Variants in LOXHD1 observed in about 807,000 individuals in gnomAD.
LOXHD1 encodes the protein lipoxygenase homology domain-containing protein 1.
A neutral mutation model predicts 248.2 loss-of-function variants in LOXHD1; 205 were observed. The observed-to-expected ratio is 0.83, with a 90% CI of 0.74 to 0.93. The LOEUF (loss-of-function observed/expected upper bound fraction) is 0.93. LOXHD1 is among the 40% of genes least tolerant of loss of function. The pLI is 0.00. For missense variants in LOXHD1, 2,930 were observed against 2,971.6 expected (o/e 0.99, Z 0.33); for synonymous variants, 1,113 against 1,162.8 (o/e 0.96, Z 0.87).
Position 46,498,961 on chromosome 18 carries a change from T to C in LOXHD1, c.5878+6877A>G, listed in dbSNP as rs925902422. 3.9e-5 allele frequency among the ~76,000 whole-genome samples: 6 copies of C among 152,190 alleles called. No individual in the cohort carries two copies. In the East Asian group the frequency reaches 9.6e-4, roughly 24 times the overall value. On this transcript the variant is annotated intron_variant, in intron 37 of 40. Coordinates refer to ENST00000642948, the MANE Select transcript of LOXHD1 (RefSeq NM_001384474.1). ...CACCTACAGGGGAGAAAGATATATC[T>C]GTGGAAGTCTAGAAAAGGATAGAAT...
At chr18:46,645,663 A>C (rs1183276118) in intron 2 of LOXHD1, among the ~76,000 whole-genome samples, 1 of 152,002 alleles carries the variant, frequency 6.6e-6, no homozygotes, top group Non-Finnish European at 1.5e-5. Flanking sequence ...CTAATGGGGG[A>C]ATCTAAGTCC....
At chr18:46,536,776 G>A (rs2036329954) in intron 26 of LOXHD1, among the ~76,000 whole-genome samples, 1 of 152,178 alleles carries the variant, frequency 6.6e-6, no homozygotes, top group South Asian at 2.1e-4. Flanking sequence ...CTCCAGAGAA[G>A]GTGGGAAGAG....
chr18:46,593,971 G>A (rs1487741651), intron 9 of LOXHD1, among the ~76,000 whole-genome samples: 1 of 152,172 alleles, frequency 6.6e-6, no homozygotes, highest in Admixed American at 6.5e-5. Flanking sequence ...TCTTTTTAAT[G>A]GCTAAAGTGT....
At chr18:46,594,181 C>T (rs182648913) in intron 9 of LOXHD1, 150 bp downstream of exon 9, 53 of 987,708 alleles carry the variant, frequency 5.4e-5, no homozygotes, top group African/African-American at 2.8e-4. Flanking sequence ...AGCTGCTTGG[C>T]GGGGTTGGGG....
intron 21 of LOXHD1, among the ~76,000 whole-genome samples, chr18:46,550,370 G>A (rs1056355018): frequency 2.0e-5 from 3 of 151,486 alleles, no homozygotes; most frequent in South Asian, 2.1e-4. Context: ...TCAGGAGATC[G>A]AGACCATCCT....
At chr18:46,619,348 C>A in intron 4 of LOXHD1, among the ~76,000 whole-genome samples, 1 of 152,198 alleles carries the variant, frequency 6.6e-6, no homozygotes, top group East Asian at 1.9e-4. Flanking sequence ...CTGTCCCTGG[C>A]CCTTAGAGGT....
chr18:46,496,887 C>T (rs1401250068), intron 37 of LOXHD1, among the ~76,000 whole-genome samples: 1 of 152,166 alleles, frequency 6.6e-6, no homozygotes, highest in Admixed American at 6.5e-5. Flanking sequence ...CCTGTAATCC[C>T]AGCTACTCTG....
chr18:46,538,831 C>T (rs2036434444), intron 25 of LOXHD1, among the ~76,000 whole-genome samples: 1 of 152,186 alleles, frequency 6.6e-6, no homozygotes, highest in African/African-American at 2.4e-5. Flanking sequence ...AGTGAGCATT[C>T]TTTCACTCTT....
intron 38 of LOXHD1, 71 bp from the exon 39 acceptor site, chr18:46,485,222 G>A (rs1172944304): frequency 2.0e-6 from 3 of 1,507,798 alleles, no homozygotes; most frequent in Non-Finnish European, 2.7e-6. Context: ...GGAGCAAGAG[G>A]GTCACGGCCT....
intron 12 of LOXHD1, among the ~76,000 whole-genome samples, chr18:46,580,339 C>A (rs907695908): frequency 3.3e-5 from 5 of 152,214 alleles, no homozygotes; most frequent in Non-Finnish European, 7.3e-5. Flanking sequence ...TCTCCATGAA[C>A]AAGAATTGTG....
intron 29 of LOXHD1, 67 bp from the exon 30 acceptor site, chr18:46,524,984 C>T: frequency 6.7e-7 from 1 of 1,500,324 alleles, no homozygotes; most frequent in East Asian, 2.5e-5. Flanking sequence ...CCAGCCCCAC[C>T]CTTCTGGGAC....
intron 7 of LOXHD1, among the ~76,000 whole-genome samples, chr18:46,603,663 G>A (rs937754539): frequency 6.6e-6 from 1 of 152,154 alleles, no homozygotes; most frequent in Admixed American, 6.5e-5. Flanking sequence ...CATTGCCTCA[G>A]TTTCCTCATC....
At chr18:46,559,366 G>C (rs977101878) in intron 20 of LOXHD1, 82 bp downstream of exon 20, 35 of 1,550,242 alleles carry the variant, frequency 2.3e-5, no homozygotes, top group Non-Finnish European at 3.0e-5. Context: ...AGCAGCCATT[G>C]TGCTGCGATG....
chr18:46,609,743 A>G (rs917556820), intron 6 of LOXHD1, among the ~76,000 whole-genome samples: 4 of 152,110 alleles, frequency 2.6e-5, no homozygotes, highest in African/African-American at 9.7e-5. Flanking sequence ...ACTACCCATT[A>G]CAGTGCCTCT....
chr18:46,513,204 T>C (rs914672606), intron 34 of LOXHD1, among the ~76,000 whole-genome samples: 2 of 152,252 alleles, frequency 1.3e-5, no homozygotes, highest in African/African-American at 4.8e-5. Context: ...TATATATGTA[T>C]GTTCATGATA....
rs186495471 is a variant in LOXHD1 at position 46,578,503 on chromosome 18, C to T, written c.1810-636G>A. 7.8e-3 allele frequency among the ~76,000 whole-genome samples: 1,180 copies of T among 152,192 alleles called. 7 individuals are homozygous for T. The highest frequency in any genetic ancestry group is 0.011 in the Non-Finnish European group (728 of 68,004). On this transcript the variant is annotated intron_variant, in intron 13 of 40. Coordinates refer to ENST00000642948, the MANE Select transcript of LOXHD1 (RefSeq NM_001384474.1). ...TGAAGTAAAGGCATCGCTACCTCCT[C>T]TCCTCAAATGAACCTGAGTCCACCC...
In LOXHD1 at chr18:46,610,860, C is replaced by A; in HGVS notation, c.675G>T (p.Leu225=). 2 of 1,551,802 alleles carry A rather than the reference C, an allele frequency of 1.3e-6. No individual in the cohort carries two copies. The highest frequency in any genetic ancestry group is 1.7e-6 in the Non-Finnish European group (2 of 1,147,010). Residue 225 remains leucine, a synonymous_variant, in exon 6 of 41, where the codon CTG becomes CTT. Transcript: ENST00000642948. The stretch of plus-strand genomic sequence containing the variant: ...TCAGCTGCCCCAAATCCGGGGCATC[C>A]AGGATGAACCTGTCTTCAGCTCCCT... ...FEKGAEDRFI[L]DAPDLGQLMK...
chr18:46,602,876 C>A (rs1002122852), intron 7 of LOXHD1, among the ~76,000 whole-genome samples: 3 of 152,136 alleles, frequency 2.0e-5, no homozygotes, highest in Admixed American at 6.5e-5. Context: ...AGGATATAAG[C>A]AATGCCCAGC....
chr18:46,646,443 G>A (rs2039031625), intron 2 of LOXHD1, among the ~76,000 whole-genome samples: 1 of 152,136 alleles, frequency 6.6e-6, no homozygotes, highest in Non-Finnish European at 1.5e-5. Flanking sequence ...GCTCTTTGAA[G>A]GCCTTTTCTC....
Sources: gnomAD v4.1 joint callset for allele counts (sites outside exome capture counted in the v4.1 genomes callset) on GRCh38, gnomAD v4.1.1 for gene constraint, MANE v1.5 for transcripts, NCBI Gene and HGNC (gene_info 2026-07-23, HGNC 2026-07-21) for gene names.